Variants in PSMG2 observed in about 807,000 individuals in gnomAD.
PSMG2 encodes CD40 ligand-activated specific transcript 3.
PSMG2 carries 21 observed loss-of-function variants against 31.5 expected under a neutral mutation model. That is an observed-to-expected ratio of 0.67 (90% CI 0.47 to 0.96). The LOEUF (loss-of-function observed/expected upper bound fraction) is 0.96, where lower values mean the gene tolerates loss of function less well. Ranked by LOEUF, PSMG2 falls within the 40% of genes least tolerant of loss-of-function variation. The pLI is 0.00. For synonymous variants in PSMG2, 120 were observed against 110.4 expected (o/e 1.09, Z -0.54); for missense variants, 318 against 321.2 (o/e 0.99, Z 0.08).
intron 1 of PSMG2, among the ~76,000 whole-genome samples, chr18:12,705,572 AGAGAGTGTGTGTGT>A (rs1248969354): frequency 7.7e-6 from 1 of 129,236 alleles, no homozygotes; most frequent in Non-Finnish European, 1.7e-5. Flanking sequence ...AGAGAGAGAG[AGAGAGTGTGTGTGT>A]GTGTGTGTGT....
chr18:12,691,205 A>C, intron 1 of PSMG2: 1 of 500,932 alleles, frequency 2.0e-6, no homozygotes. Flanking sequence ...CTCACTATGC[A>C]GTGAAAGAGA....
chr18:12,710,916 A>G (rs2040323567), intron 2 of PSMG2, among the ~76,000 whole-genome samples: 1 of 152,148 alleles, frequency 6.6e-6, no homozygotes, highest in Non-Finnish European at 1.5e-5. Flanking sequence ...CCTGGGTAAC[A>G]TGATGAAACT....
upstream of PSMG2, chr18:12,700,353 T>C (rs955894330): frequency 2.6e-5 from 4 of 152,790 alleles, no homozygotes; most frequent in African/African-American, 9.6e-5. Flanking sequence ...AAAATACTTA[T>C]TCCCTATTGT....
chr18:12,669,642 T>G (rs1181609841), intron 1 of PSMG2, among the ~76,000 whole-genome samples: 2 of 152,190 alleles, frequency 1.3e-5, no homozygotes, highest in Non-Finnish European at 2.9e-5. Flanking sequence ...TTTTTTAAAC[T>G]TTACATTTTT....
intron 1 of PSMG2, chr18:12,678,491 G>A: frequency 8.0e-7 from 1 of 1,255,008 alleles, no homozygotes; most frequent in East Asian, 2.5e-5. Flanking sequence ...AATTAAAAAG[G>A]CAGCATCTTA....
intron 2 of PSMG2, among the ~76,000 whole-genome samples, chr18:12,711,566 C>CA (rs2040331656): frequency 1.3e-5 from 2 of 152,094 alleles, no homozygotes; most frequent in African/African-American, 4.8e-5. Flanking sequence ...ACCCCCCAGT[C>CA]ACACCACATC....
At chr18:12,702,671 C>T (rs1033317000), upstream of PSMG2, 1 of 1,128,576 alleles carries the variant, frequency 8.9e-7, no homozygotes, top group Non-Finnish European at 1.2e-6. Context: ...GTTCGCCTAG[C>T]GCAGCTCCCG....
chr18:12,708,853 C>T (rs2040297793), intron 2 of PSMG2, among the ~76,000 whole-genome samples: 2 of 131,854 alleles, frequency 1.5e-5, no homozygotes, highest in South Asian at 4.9e-4. Context: ...TTACAGGTGC[C>T]CACCACCACA....
intron 1 of PSMG2, among the ~76,000 whole-genome samples, chr18:12,683,027 G>T (rs2039405474): frequency 6.6e-6 from 1 of 151,796 alleles, no homozygotes; most frequent in African/African-American, 2.4e-5. Flanking sequence ...GTTCATTCAT[G>T]GCAACATTAA....
At chr18:12,711,573 C>T (rs2040331757) in intron 2 of PSMG2, among the ~76,000 whole-genome samples, 1 of 152,114 alleles carries the variant, frequency 6.6e-6, no homozygotes. Flanking sequence ...AGTCACACCA[C>T]ATCACGCCAG....
intron 1 of PSMG2, chr18:12,673,284 C>T: frequency 6.7e-7 from 1 of 1,488,440 alleles, no homozygotes; most frequent in Non-Finnish European, 8.9e-7. Context: ...TTTAAAATAA[C>T]AAACCTCTAA....
intron 1 of PSMG2, among the ~76,000 whole-genome samples, chr18:12,688,896 T>C (rs2039644383): frequency 1.3e-5 from 2 of 151,942 alleles, no homozygotes; most frequent in South Asian, 4.2e-4. Context: ...GGGCGGGTCA[T>C]GAGGTCAGGA....
intron 3 of PSMG2, among the ~76,000 whole-genome samples, chr18:12,716,390 AT>A (rs552921643): frequency 1.4e-3 from 181 of 130,346 alleles, no homozygotes; most frequent in Middle Eastern, 7.8e-3. Flanking sequence ...TAAAGAGTGA[AT>A]TTTTTTTTTT....
chr18:12,694,812 G>A (rs527700026), intron 1 of PSMG2, among the ~76,000 whole-genome samples: 3 of 151,128 alleles, frequency 2.0e-5, no homozygotes, highest in East Asian at 1.9e-4. Context: ...ACCGGTTCAC[G>A]CCATTCTCCT....
At chr18:12,669,324 C>G (rs913379408) in intron 1 of PSMG2, among the ~76,000 whole-genome samples, 2 of 151,892 alleles carry the variant, frequency 1.3e-5, no homozygotes, top group Non-Finnish European at 2.9e-5. Flanking sequence ...GTTGGTCAGG[C>G]TGGTCTCGAA....
At chr18:12,670,090 G>A (rs1432708672) in intron 1 of PSMG2, among the ~76,000 whole-genome samples, 1 of 152,198 alleles carries the variant, frequency 6.6e-6, no homozygotes, top group Non-Finnish European at 1.5e-5. Context: ...GGCACTTGGG[G>A]AGGCCAAGGC....
chr18:12,677,466 A>G (rs2039183156), intron 1 of PSMG2, among the ~76,000 whole-genome samples: 2 of 149,094 alleles, frequency 1.3e-5, no homozygotes, highest in Admixed American at 6.7e-5. Context: ...CTCAAAAAAA[A>G]AAAAAAAAAA....
At chr18:12,691,591 C>G (rs748437020) in intron 1 of PSMG2, 71 of 770,024 alleles carry the variant, frequency 9.2e-5, no homozygotes, top group Non-Finnish European at 1.4e-4. Flanking sequence ...CCACCCTAAT[C>G]TGAGTCATCA....
At chr18:12,705,574 A>AGTGTGT (rs1222721405) in intron 1 of PSMG2, among the ~76,000 whole-genome samples, 507 of 135,770 alleles carry the variant, frequency 3.7e-3, no homozygotes, top group South Asian at 7.9e-3. Context: ...AGAGAGAGAG[A>AGTGTGT]GAGTGTGTGT....
Sources: gnomAD v4.1 joint callset for allele counts (sites outside exome capture counted in the v4.1 genomes callset) on GRCh38, gnomAD v4.1.1 for gene constraint, MANE v1.5 for transcripts, NCBI Gene and HGNC (gene_info 2026-07-23, HGNC 2026-07-21) for gene names.